Variants in ARMC2 observed in about 807,000 individuals in gnomAD.
The protein encoded by ARMC2 is armadillo repeat-containing protein 2.
ARMC2 carries 67 observed loss-of-function variants against 90.3 expected under a neutral mutation model. The ratio of observed to expected loss-of-function variants is 0.74; its 90% CI spans 0.61 to 0.91. The LOEUF is 0.91. Among genes scored for constraint, ARMC2 ranks in the 40% least tolerant of loss-of-function variants. ARMC2 has a pLI of 0.00. For missense variants in ARMC2, 920 were observed against 1,030.9 expected (o/e 0.89, Z 1.47); for synonymous variants, 393 against 393.0 (o/e 1.00, Z 0.00).
At chr6:109,007,535 G>C in the ARMC2 span, among the ~76,000 whole-genome samples, 1 of 152,050 alleles carries the variant, frequency 6.6e-6, no homozygotes, top group South Asian at 2.1e-4. Flanking sequence ...AGCAGCATGT[G>C]TTTTTTGAAA....
chr6:108,923,405 G>A (rs954751949), intron 10 of ARMC2, among the ~76,000 whole-genome samples: 2 of 152,016 alleles, frequency 1.3e-5, no homozygotes, highest in African/African-American at 4.8e-5. Context: ...TTTCTTGAGG[G>A]TGGGAAATAA....
chr6:108,885,976 C>T (rs1778058632), intron 5 of ARMC2, among the ~76,000 whole-genome samples: 1 of 152,210 alleles, frequency 6.6e-6, no homozygotes, highest in East Asian at 1.9e-4. Context: ...GAATTGAGTA[C>T]TTATGACAGA....
the ARMC2 span, chr6:108,998,414 T>C: frequency 3.4e-6 from 5 of 1,450,040 alleles, no homozygotes; most frequent in African/African-American, 7.0e-5. Context: ...CTCCACAGTC[T>C]TAACAGGGTG....
chr6:109,040,560 A>T, the ARMC2 span, among the ~76,000 whole-genome samples: 4 of 152,174 alleles, frequency 2.6e-5, no homozygotes, highest in African/African-American at 9.7e-5. Flanking sequence ...CACTACAATG[A>T]TTAAATTAAA....
chr6:108,856,451 CTCTCTG>C (rs1240239827), intron 2 of ARMC2: 3 of 210,762 alleles, frequency 1.4e-5, no homozygotes, highest in Admixed American at 4.2e-5. Context: ...TGGGGTTTCC[CTCTCTG>C]TCAGTTTTAC....
chr6:108,993,379 T>C, the ARMC2 span, among the ~76,000 whole-genome samples: 2 of 152,168 alleles, frequency 1.3e-5, no homozygotes, highest in African/African-American at 4.8e-5. Flanking sequence ...GACTAAGACT[T>C]TCTGGACTAT....
intron 12 of ARMC2, among the ~76,000 whole-genome samples, chr6:108,948,418 T>C (rs749792260): frequency 3.3e-5 from 5 of 151,906 alleles, no homozygotes; most frequent in South Asian, 2.1e-4. Flanking sequence ...ATGTAGAATA[T>C]ATTTAAGAAG....
chr6:108,872,415 C>G (rs557389816), intron 4 of ARMC2, among the ~76,000 whole-genome samples: 5 of 152,216 alleles, frequency 3.3e-5, no homozygotes, highest in Non-Finnish European at 4.4e-5. Context: ...AAGCCCTACA[C>G]GTGCTTCCTG....
the ARMC2 span, chr6:108,987,388 T>A: frequency 1.9e-6 from 1 of 526,708 alleles, no homozygotes; most frequent in Non-Finnish European, 3.4e-6. Context: ...GTGCCAGCAG[T>A]GGTTTTCCAC....
At chr6:108,987,929 T>C in the ARMC2 span, among the ~76,000 whole-genome samples, 1 of 151,742 alleles carries the variant, frequency 6.6e-6, no homozygotes, top group Non-Finnish European at 1.5e-5. Context: ...CAGCTTCCCA[T>C]GTAGCTGGGA....
chr6:109,032,111 A>G, the ARMC2 span, among the ~76,000 whole-genome samples: 1 of 152,148 alleles, frequency 6.6e-6, no homozygotes, highest in Admixed American at 6.5e-5. Context: ...CTCTACTAAA[A>G]ATACAAAAAA....
chr6:108,864,493 T>C lies in ARMC2; in HGVS notation c.292-4331T>C, dbSNP rs182159344. On this transcript the variant is annotated intron_variant, in intron 3 of 17. Transcript: ENST00000392644. Reference sequence around the variant, plus strand: ...CGATCTCTTGACCTTGTGATCCACCTGCCTTGGCCTCCCAAAGTGCTGGGA... The same window carrying C: ...CGATCTCTTGACCTTGTGATCCACCCGCCTTGGCCTCCCAAAGTGCTGGGA... Among the ~76,000 whole-genome samples the C allele has an allele frequency of 4.1e-3, 619 of 152,286 alleles. 2 individuals are homozygous for C. The highest frequency in any genetic ancestry group is 0.014 in the African/African-American group (580 of 41,562).
chr6:109,032,292 G>C, the ARMC2 span, among the ~76,000 whole-genome samples: 1 of 151,966 alleles, frequency 6.6e-6, no homozygotes, highest in Non-Finnish European at 1.5e-5. Context: ...TCAGAGTTTG[G>C]AGCATTTCAG....
At chr6:108,855,728 A>G (rs924999719) in intron 2 of ARMC2, among the ~76,000 whole-genome samples, 1 of 152,194 alleles carries the variant, frequency 6.6e-6, no homozygotes, top group African/African-American at 2.4e-5. Flanking sequence ...CAGCATTGAC[A>G]TTGTCAGTGT....
At chr6:108,976,999 T>C (rs949491839), downstream of ARMC2, among the ~76,000 whole-genome samples, 1 of 152,224 alleles carries the variant, frequency 6.6e-6, no homozygotes, top group African/African-American at 2.4e-5. Flanking sequence ...TTTATTTCTT[T>C]CTCTTGCCTG....
the ARMC2 span, among the ~76,000 whole-genome samples, chr6:108,997,915 G>A: frequency 1.3e-5 from 2 of 152,188 alleles, no homozygotes; most frequent in African/African-American, 2.4e-5. Context: ...TTTCAAAGGA[G>A]TAACAAAACT....
At chr6:109,052,288 T>A in the ARMC2 span, among the ~76,000 whole-genome samples, 3 of 152,038 alleles carry the variant, frequency 2.0e-5, no homozygotes. Context: ...CCAGAAATAT[T>A]TGAGAAAATT....
intron 5 of ARMC2, chr6:108,880,125 C>CA (rs996443685): frequency 4.9e-5 from 18 of 364,448 alleles, no homozygotes; most frequent in Middle Eastern, 8.7e-4. Context: ...GAAACAACAA[C>CA]AAAAAAATGG....
At chr6:108,877,722 CTATT>C (rs1187687305) in intron 5 of ARMC2, among the ~76,000 whole-genome samples, 2 of 152,198 alleles carry the variant, frequency 1.3e-5, no homozygotes, top group African/African-American at 4.8e-5. Context: ...CAGACAAGAG[CTATT>C]TAATTTGTTT....
Sources: gnomAD v4.1 joint callset for allele counts (sites outside exome capture counted in the v4.1 genomes callset) on GRCh38, gnomAD v4.1.1 for gene constraint, MANE v1.5 for transcripts, NCBI Gene and HGNC (gene_info 2026-07-23, HGNC 2026-07-21) for gene names.